RABGAP1L: variants seen among roughly 807,000 people sequenced by gnomAD.
RABGAP1L encodes rab GTPase-activating protein 1-like.
A neutral mutation model predicts 137.7 loss-of-function variants in RABGAP1L; 63 were observed. The observed-to-expected ratio is 0.46, with a 90% CI of 0.37 to 0.56. The LOEUF (loss-of-function observed/expected upper bound fraction) is 0.56, where lower values mean the gene tolerates loss of function less well. Ranked by LOEUF, RABGAP1L falls within the 20% of genes least tolerant of loss-of-function variation. The probability of loss-of-function intolerance (pLI) is 0.00; values close to 1 mark genes in which losing one functional copy is unlikely to be tolerated. For synonymous variants in RABGAP1L, 431 were observed against 433.7 expected, an observed-to-expected ratio of 0.99 and a Z score of 0.08; for missense variants, 1,095 against 1,244.0, an observed-to-expected ratio of 0.88 and a Z score of 1.80.
At chr1:174,975,019 G>C (rs1311969540) in intron 21 of RABGAP1L, among the ~76,000 whole-genome samples, 2 of 152,236 alleles carry the variant, frequency 1.3e-5, no homozygotes, top group African/African-American at 4.8e-5. Flanking sequence ...CTGTGTCTGG[G>C]TTCTCTCTGC....
At chr1:174,976,789 G>A (rs1212306317) in intron 22 of RABGAP1L, among the ~76,000 whole-genome samples, 1 of 152,200 alleles carries the variant, frequency 6.6e-6, no homozygotes, top group Non-Finnish European at 1.5e-5. Flanking sequence ...GCCAGAAAAT[G>A]CCACCAGTGC....
intron 13 of RABGAP1L, among the ~76,000 whole-genome samples, chr1:174,636,439 A>G (rs1674043362): frequency 6.6e-6 from 1 of 151,876 alleles, no homozygotes; most frequent in Non-Finnish European, 1.5e-5. Flanking sequence ...GAGGCAGGAG[A>G]ATCGCTTGAA....
chr1:174,382,745 G>A (rs1425531286), intron 12 of RABGAP1L, among the ~76,000 whole-genome samples: 6 of 142,478 alleles, frequency 4.2e-5, no homozygotes, highest in Non-Finnish European at 9.2e-5. Context: ...ATGTCCTCCC[G>A]TAGCTCAGAG....
At position 174,497,648 on chromosome 1, in the gene RABGAP1L, T is replaced by C. The variant is rs1034351242; in HGVS notation, c.1710+103503T>C. ...CTCTGAGCCTGTTCTTATGCTCCTC[T>C]TTCCCTCCCACTCTTTGCCCTTTTG... On this transcript the variant is annotated intron_variant, in intron 13 of 25. Transcript: ENST00000681986. Among the ~76,000 whole-genome samples the C allele has an allele frequency of 2.5e-4, 38 of 152,190 alleles. 1 individual carries two copies.
At chr1:174,636,676 GAT>G (rs1674070516) in intron 13 of RABGAP1L, among the ~76,000 whole-genome samples, 1 of 152,058 alleles carries the variant, frequency 6.6e-6, no homozygotes, top group Non-Finnish European at 1.5e-5. Context: ...CAGATTGTCA[GAT>G]TTAAAAATTA....
At chr1:174,776,584 T>A (rs1414822255) in intron 18 of RABGAP1L, among the ~76,000 whole-genome samples, 1 of 152,218 alleles carries the variant, frequency 6.6e-6, no homozygotes, top group Non-Finnish European at 1.5e-5. Flanking sequence ...GTGGTCTTTT[T>A]GCTTGCATTC....
chr1:174,653,285 C>T (rs954688319), intron 14 of RABGAP1L, among the ~76,000 whole-genome samples: 3 of 152,138 alleles, frequency 2.0e-5, no homozygotes, highest in Non-Finnish European at 4.4e-5. Flanking sequence ...CTGGCTTCAG[C>T]CCCCTTTCCA....
At chr1:174,165,701 G>A (rs1229549308) in intron 1 of RABGAP1L, among the ~76,000 whole-genome samples, 1 of 151,840 alleles carries the variant, frequency 6.6e-6, no homozygotes, top group Non-Finnish European at 1.5e-5. Flanking sequence ...GTCTCATTAT[G>A]TTGCCCAGGC....
intron 21 of RABGAP1L, 47 bp from the exon 22 acceptor site, chr1:174,976,031 C>A: frequency 6.9e-7 from 1 of 1,456,526 alleles, no homozygotes; most frequent in South Asian, 1.2e-5. Context: ...CTTTCTTTAC[C>A]CTCTGTATGA....
intron 10 of RABGAP1L, among the ~76,000 whole-genome samples, chr1:174,300,286 G>A (rs1312476078): frequency 6.6e-6 from 1 of 152,138 alleles, no homozygotes; most frequent in Non-Finnish European, 1.5e-5. Flanking sequence ...AGCACTTTGG[G>A]AGGCCGAGGC....
chr1:174,229,016 C>G (rs1333450284), intron 3 of RABGAP1L, among the ~76,000 whole-genome samples: 1 of 138,360 alleles, frequency 7.2e-6, no homozygotes, highest in Non-Finnish European at 1.6e-5. Flanking sequence ...ATAAAATGAA[C>G]AGTTTTTTTT....
At chr1:174,553,732 G>A (rs1666702215) in intron 13 of RABGAP1L, among the ~76,000 whole-genome samples, 1 of 152,202 alleles carries the variant, frequency 6.6e-6, no homozygotes, top group Non-Finnish European at 1.5e-5. Flanking sequence ...CAGGCGCAGT[G>A]GCTGATGCCT....
intron 17 of RABGAP1L, among the ~76,000 whole-genome samples, chr1:174,719,093 C>G (rs910124558): frequency 6.6e-6 from 1 of 152,158 alleles, no homozygotes; most frequent in Non-Finnish European, 1.5e-5. Context: ...CCCGCCTCAG[C>G]TTCCCAAAGT....
intron 18 of RABGAP1L, among the ~76,000 whole-genome samples, chr1:174,763,911 T>G (rs868139298): frequency 4.9e-4 from 75 of 152,036 alleles, no homozygotes; most frequent in Middle Eastern, 3.4e-3. Flanking sequence ...CCCATCACCT[T>G]TATCTAATTC....
chr1:174,683,913 C>T (rs956156833), intron 15 of RABGAP1L, among the ~76,000 whole-genome samples: 1 of 152,160 alleles, frequency 6.6e-6, no homozygotes, highest in East Asian at 1.9e-4. Flanking sequence ...ACCCACTATA[C>T]TGTGACAAGG....
intron 1 of RABGAP1L, among the ~76,000 whole-genome samples, chr1:174,186,804 C>G (rs1269533145): frequency 6.6e-6 from 1 of 152,054 alleles, no homozygotes. Flanking sequence ...AACTTGAAAT[C>G]GAGGTATACA....
intron 19 of RABGAP1L, among the ~76,000 whole-genome samples, chr1:174,843,525 GTT>G (rs1693693247): frequency 7.0e-6 from 1 of 142,126 alleles, no homozygotes; most frequent in African/African-American, 2.6e-5. Context: ...ATGGTTTCCA[GTT>G]TCATCCATGT....
At chr1:174,303,415 T>C (rs1293796544) in intron 10 of RABGAP1L, among the ~76,000 whole-genome samples, 2 of 152,176 alleles carry the variant, frequency 1.3e-5, no homozygotes, top group East Asian at 1.9e-4. Context: ...TATAGAGATA[T>C]CAGCATATTG....
At chr1:174,846,213 T>C (rs2148964940) in intron 19 of RABGAP1L, among the ~76,000 whole-genome samples, 1 of 146,468 alleles carries the variant, frequency 6.8e-6, no homozygotes, top group Middle Eastern at 3.6e-3. Context: ...GGGTTTTTTG[T>C]GTCTCTATTT....
Sources: allele counts gnomAD v4.1 joint callset (sites outside exome capture counted in the v4.1 genomes callset), GRCh38; gene constraint gnomAD v4.1.1; transcripts MANE v1.5; gene names NCBI Gene and HGNC (gene_info 2026-07-23, HGNC 2026-07-21).